The following TDRD15 variants were observed in gnomAD, a reference collection of about 807,000 sequenced individuals.
TDRD15 encodes the protein tudor domain containing 15.
For missense variants in TDRD15, 1,416 were observed against 904.7 expected (o/e 1.57, Z -7.25); for synonymous variants, 503 against 314.5 (o/e 1.60, Z -6.34).
intron 2 of TDRD15, among the ~76,000 whole-genome samples, chr2:21,131,758 G>T (rs994707545): frequency 3.9e-5 from 6 of 151,940 alleles, no homozygotes; most frequent in East Asian, 1.9e-4. Context: ...TTTTTAGTGG[G>T]TTTAGTATTT....
chr2:21,146,460 G>A (rs575560281), downstream of TDRD15, among the ~76,000 whole-genome samples: 4 of 152,024 alleles, frequency 2.6e-5, no homozygotes, highest in African/African-American at 9.6e-5. Context: ...GAACAAACTT[G>A]TTAGTCTTTT....
Position 21,143,378 on chromosome 2 carries a change from A to AGAGGAAAGATGTCTGTAAGAACCTCTT in TDRD15, c.*107_*133dup. On this transcript the variant is annotated 3_prime_UTR_variant, in exon 4 of 4. Coordinates refer to ENST00000405799, the MANE Select transcript of TDRD15 (RefSeq NM_001306137.2). ...AACAAAAGTGTAAACAAATCTACAA[A>AGAGGAAAGATGTCTGTAAGAACCTCTT]GAGGAAAGATGTCTGTAAGAACCTC... 2.0e-6 allele frequency: 1 copy of AGAGGAAAGATGTCTGTAAGAACCTCTT among 493,538 alleles called. No individual in the cohort carries two copies. Among genetic ancestry groups the AGAGGAAAGATGTCTGTAAGAACCTCTT allele is most frequent in the East Asian group, 3.2e-5 (1 of 31,080 alleles). 30.6% of individuals were successfully genotyped at this position (493,538 alleles called of 1,614,324 possible).
chr2:21,126,490 C>A (rs146176338), intron 1 of TDRD15, among the ~76,000 whole-genome samples: 1 of 152,164 alleles, frequency 6.6e-6, no homozygotes, highest in East Asian at 1.9e-4. Flanking sequence ...CCTCAGGCTC[C>A]CGAGTAGCTG....
chr2:21,128,707 T>C (rs1024694411), intron 2 of TDRD15, among the ~76,000 whole-genome samples: 2 of 152,164 alleles, frequency 1.3e-5, no homozygotes, highest in Non-Finnish European at 2.9e-5. Context: ...TTTCTATCTT[T>C]CTTAAGATTG....
At chr2:21,144,573 G>A (rs1344882041), downstream of TDRD15, among the ~76,000 whole-genome samples, 2 of 151,902 alleles carry the variant, frequency 1.3e-5, no homozygotes, top group East Asian at 1.9e-4. Context: ...TTATGGTAGC[G>A]ATAGAAACAG....
rs918725432 is a variant in TDRD15 at position 21,139,075 on chromosome 2, A to G, written c.1608A>G (p.Leu536=). 5.6e-6 allele frequency: 4 copies of G among 715,398 alleles called. No individual in the cohort carries two copies. Among genetic ancestry groups the G allele is most frequent in the Non-Finnish European group, 1.0e-5 (4 of 384,000 alleles). 44.3% of individuals were successfully genotyped at this position (715,398 alleles called of 1,614,324 possible). The change falls in exon 4 of 4, where the codon TTA becomes TTG. Residue 536 remains leucine, a synonymous_variant. Transcript: ENST00000405799. ...EMILRKPEPG[L]FCCARYSKDR... ...TTCTAAGAAAACCTGAACCTGGATT[A>G]TTTTGTTGTGCTAGATATAGCAAGG...
Position 21,141,459 on chromosome 2 carries a change from C to T in TDRD15, c.3992C>T (p.Thr1331Ile), listed in dbSNP as rs1197176918. Residue 1331 changes from threonine to isoleucine, a missense_variant, in exon 4 of 4, where the codon ACA becomes ATA. Transcript: ENST00000405799. ...AGACTTGCTGATGCTCTAAATGCAA[C>T]AGCAAGGAGATTGAGAGAGAGAAAA... ...IIRLADALNA[T>I]ARRLRERKSV... is the part of the protein sequence containing the mutation. 3 of 713,120 alleles carry T rather than the reference C, an allele frequency of 4.2e-6. No homozygotes were observed. The highest frequency in any genetic ancestry group is 2.7e-5 in the East Asian group (1 of 37,260). 44.2% of individuals were successfully genotyped at this position (713,120 alleles called of 1,614,324 possible). A position where few individuals can be genotyped will look rare whatever the true frequency, so the allele number is the denominator to read the frequency against.
At position 21,141,793 on chromosome 2, in the gene TDRD15, A is replaced by T. The variant is rs912364357; in HGVS notation, c.4326A>T (p.Glu1442Asp). 1.4e-6 allele frequency: 1 copy of T among 713,362 alleles called. No homozygotes were observed. The highest frequency in any genetic ancestry group is 1.8e-5 in the African/African-American group (1 of 57,030). The allele number at this position is 713,362 out of a possible 1,614,324, so 44.2% of individuals were successfully genotyped here. ...SKVHNKTVYC[E>D]FLKKHDQKWE... Reference sequence around the variant, plus strand: ...TACATAACAAAACAGTTTATTGTGAATTTTTGAAAAAGCATGATCAGAAAT... The same window carrying T: ...TACATAACAAAACAGTTTATTGTGATTTTTTGAAAAAGCATGATCAGAAAT... The change falls in exon 4 of 4, where the codon GAA (glutamate) becomes GAT (aspartate). Residue 1442 changes from glutamate (E) to aspartate (D), a missense_variant. Physicochemically the swap from Glu to Asp is conservative, Grantham distance 45. Coordinates refer to ENST00000405799, the MANE Select transcript of TDRD15 (RefSeq NM_001306137.2).
At position 21,138,720 on chromosome 2, in the gene TDRD15, G is replaced by T; in HGVS notation, c.1253G>T (p.Gly418Val). 2 of 715,900 alleles carry T rather than the reference G, an allele frequency of 2.8e-6. No individual in the cohort carries two copies. The highest frequency in any genetic ancestry group is 1.5e-5 in the South Asian group (1 of 67,518). 44.3% of individuals were successfully genotyped at this position (715,900 alleles called of 1,614,324 possible). The change falls in exon 4 of 4, where the codon GGC becomes GTC. Residue 418 changes from glycine to valine, a missense_variant. Physicochemically the swap from Gly to Val is moderately radical, Grantham distance 109. Coordinates refer to ENST00000405799, the MANE Select transcript of TDRD15 (RefSeq NM_001306137.2). ...VNSKCLLKTV[G>V]TQVLCPMSDS... ...TCTAAGTGTCTACTGAAGACTGTAGGCACACAAGTACTTTGTCCGATGTCT... is the reference window on the plus strand; with the variant it reads ...TCTAAGTGTCTACTGAAGACTGTAGTCACACAAGTACTTTGTCCGATGTCT...
chr2:21,137,539 C>A lies in TDRD15; in HGVS notation c.72C>A (p.Pro24=). Residue 24 remains proline (P), a synonymous_variant, in exon 4 of 4, where the codon CCC becomes CCA. Transcript: ENST00000405799. ...DLTISHIKCL[P]KDILVKFQGI... ...CAATATCACATATTAAATGTCTTCC[C>A]AAGGATATTCTGGTGAAATTTCAAG... The A allele has an allele frequency of 1.4e-6, 1 of 710,470 alleles. No homozygotes were observed. Among genetic ancestry groups the A allele is most frequent in the Admixed American group, 2.1e-5 (1 of 48,614 alleles). The allele number at this position is 710,470 out of a possible 1,614,324, so 44.0% of individuals were successfully genotyped here.
intron 2 of TDRD15, among the ~76,000 whole-genome samples, chr2:21,128,937 T>C (rs1665654913): frequency 6.6e-6 from 1 of 151,778 alleles, no homozygotes; most frequent in African/African-American, 2.4e-5. Flanking sequence ...AAAAATGTTA[T>C]TGTTATTTAT....
At chr2:21,132,136 G>A (rs1558296484) in intron 2 of TDRD15, among the ~76,000 whole-genome samples, 3 of 152,158 alleles carry the variant, frequency 2.0e-5, no homozygotes, top group African/African-American at 7.2e-5. Context: ...TTCACGCAAT[G>A]TCAAGGGAGG....
Position 21,140,608 on chromosome 2 carries a change from A to T in TDRD15, c.3141A>T (p.Val1047=), listed in dbSNP as rs1223838467. 4 of 715,066 alleles carry T rather than the reference A, an allele frequency of 5.6e-6. No individual in the cohort carries two copies. The highest frequency in any genetic ancestry group is 1.0e-5 in the Non-Finnish European group (4 of 383,640). 44.3% of individuals were successfully genotyped at this position (715,066 alleles called of 1,614,324 possible). Residue 1047 remains valine (V), a synonymous_variant, in exon 4 of 4, where the codon GTA becomes GTT. Coordinates refer to ENST00000405799, the MANE Select transcript of TDRD15 (RefSeq NM_001306137.2). ...CATCTGAGTTTCAAGTCTATTTTGT[A>T]GACTTTGGAAATAAGCAATTAGTAG... ...DSSSEFQVYF[V]DFGNKQLVGE...
At chr2:21,129,058 T>G (rs931245182) in intron 2 of TDRD15, among the ~76,000 whole-genome samples, 4 of 152,140 alleles carry the variant, frequency 2.6e-5, no homozygotes, top group African/African-American at 9.7e-5. Context: ...CACCTTAGCC[T>G]CCTAAGTAGC....
Position 21,140,174 on chromosome 2 carries a change from T to A in TDRD15, c.2707T>A (p.Tyr903Asn). ...SSRGLLTCIIYALVIIHPNHL... is the reference protein window; with the variant it reads ...SSRGLLTCIINALVIIHPNHL... ...TAGAGGGTTATTGACTTGTATCATC[T>A]ATGCCTTAGTTATTATACATCCAAA... The change falls in exon 4 of 4, where the codon TAT (tyrosine) becomes AAT (asparagine). Residue 903 changes from tyrosine (Y) to asparagine (N), a missense_variant. Transcript: ENST00000405799. 1.4e-6 allele frequency: 1 copy of A among 715,648 alleles called. No homozygotes were observed. The highest frequency in any genetic ancestry group is 2.7e-5 in the East Asian group (1 of 37,224). 44.3% of individuals were successfully genotyped at this position (715,648 alleles called of 1,614,324 possible).
rs1179904182 is a variant in TDRD15 at position 21,142,399 on chromosome 2, G to T, written c.4932G>T (p.Trp1644Cys). The T allele has an allele frequency of 1.4e-6, 1 of 705,252 alleles. No homozygotes were observed. Among genetic ancestry groups the T allele is most frequent in the African/African-American group, 1.8e-5 (1 of 56,524 alleles). The allele number at this position is 705,252 out of a possible 1,614,324, so 43.7% of individuals were successfully genotyped here. Reference protein sequence around the residue: ...PRQAVPCKWIWFENSKNISFE... With the variant: ...PRQAVPCKWICFENSKNISFE... Reference sequence around the variant, plus strand: ...AAGCTGTACCTTGTAAATGGATTTGGTTTGAAAATTCTAAGAACATATCAT... The same window carrying T: ...AAGCTGTACCTTGTAAATGGATTTGTTTTGAAAATTCTAAGAACATATCAT... Residue 1644 changes from tryptophan (W) to cysteine (C), a missense_variant, in exon 4 of 4, where the codon TGG becomes TGT. Physicochemically the swap from Trp to Cys is radical, Grantham distance 215. Transcript: ENST00000405799.
At chr2:21,131,152 T>C (rs1396279361) in intron 2 of TDRD15, among the ~76,000 whole-genome samples, 1 of 152,176 alleles carries the variant, frequency 6.6e-6, no homozygotes, top group East Asian at 1.9e-4. Flanking sequence ...ATTAGAAAAG[T>C]CAGGAAAGTT....
At chr2:21,129,964 GAC>G (rs1558295781) in intron 2 of TDRD15, among the ~76,000 whole-genome samples, 1 of 152,144 alleles carries the variant, frequency 6.6e-6, no homozygotes, top group African/African-American at 2.4e-5. Context: ...GCATCACGTG[GAC>G]AGGGGGTGAG....
chr2:21,128,272 C>A lies in TDRD15; in HGVS notation c.-90+561C>A, dbSNP rs546780668. On this transcript the variant is annotated intron_variant, in intron 2 of 3. Coordinates refer to ENST00000405799, the MANE Select transcript of TDRD15 (RefSeq NM_001306137.2). ...TTTTTATGTTAAGGATGCTTTTTAT[C>A]TATATTCCATGTTATGGTTTTTTTT... is the stretch of plus-strand genomic sequence containing the variant. Among the ~76,000 whole-genome samples, 3 of 150,506 alleles carry A rather than the reference C, an allele frequency of 2.0e-5. No individual in the cohort carries two copies. In the East Asian group the frequency reaches 5.8e-4, roughly 29 times the overall value.
Sources: gnomAD v4.1 joint callset for allele counts (sites outside exome capture counted in the v4.1 genomes callset) on GRCh38, gnomAD v4.1.1 for gene constraint, MANE v1.5 for transcripts, NCBI Gene and HGNC (gene_info 2026-07-23, HGNC 2026-07-21) for gene names.